The following LGALS3 variants were observed in gnomAD, a reference collection of about 807,000 sequenced individuals.
The protein encoded by LGALS3 is galectin 3, also known as galectin-3.
In LGALS3, 18 loss-of-function variants were observed where a neutral mutation model predicts 20.7. That is an observed-to-expected ratio of 0.87 (90% CI 0.60 to 1.29). The LOEUF is 1.29. Ranked by LOEUF, LGALS3 falls within the 50% of genes most tolerant of loss-of-function variation. The probability of loss-of-function intolerance (pLI) is 0.00; values close to 1 mark genes in which losing one functional copy is unlikely to be tolerated. For synonymous variants in LGALS3, 112 were observed against 119.6 expected, an observed-to-expected ratio of 0.94 and a Z score of 0.42; for missense variants, 315 against 314.7, an observed-to-expected ratio of 1.00 and a Z score of -0.01.
At chr14:55,143,062 C>A (rs1012474404) in intron 5 of LGALS3, among the ~76,000 whole-genome samples, 4 of 152,146 alleles carry the variant, frequency 2.6e-5, no homozygotes, top group African/African-American at 7.2e-5. Flanking sequence ...AGTTATACTG[C>A]GACTTTGTTG....
At chr14:55,133,052 A>G (rs2140288641) in intron 1 of LGALS3, among the ~76,000 whole-genome samples, 1 of 152,346 alleles carries the variant, frequency 6.6e-6, no homozygotes, top group Admixed American at 6.5e-5. Context: ...TAGTTTTCTG[A>G]CCAAAACACA....
At position 55,129,770 on chromosome 14, in the gene LGALS3, G is replaced by A. The variant is rs1043968811; in HGVS notation, c.-5+470G>A. Among the ~76,000 whole-genome samples, 1 of 152,198 alleles carries A rather than the reference G, an allele frequency of 6.6e-6. No individual in the cohort carries two copies. Among genetic ancestry groups the A allele is most frequent in the African/African-American group, 2.4e-5 (1 of 41,472 alleles). ...GGCCGCTCCAGTTTCTCTAATTGGG[G>A]TTGGAGCCCCGTCACCCTTCCCCAG... On this transcript the variant is annotated intron_variant, in intron 1 of 5. Transcript: ENST00000254301. The surrounding 1 kb of genome is among the most constrained non-coding windows in gnomAD (Gnocchi z 5.3).
intron 3 of LGALS3, among the ~76,000 whole-genome samples, chr14:55,139,647 A>C (rs781007930): frequency 3.9e-5 from 6 of 152,154 alleles, no homozygotes; most frequent in Non-Finnish European, 8.8e-5. Flanking sequence ...AAAAAATAAA[A>C]AGGTTTGGGT....
chr14:55,138,417 G>T (rs1308757160), intron 3 of LGALS3, 49 bp downstream of exon 3: 10 of 1,595,168 alleles, frequency 6.3e-6, no homozygotes, highest in African/African-American at 2.7e-5. Context: ...GAGGGCTTCA[G>T]GGAGACCCTG....
chr14:55,140,665 A>C (rs757434975), intron 4 of LGALS3, among the ~76,000 whole-genome samples: 1 of 152,172 alleles, frequency 6.6e-6, no homozygotes, highest in Non-Finnish European at 1.5e-5. Context: ...CAGGATAAGG[A>C]ATATTGCTCT....
At chr14:55,139,690 G>A (rs1365546874) in intron 3 of LGALS3, among the ~76,000 whole-genome samples, 1 of 152,136 alleles carries the variant, frequency 6.6e-6, no homozygotes, top group Non-Finnish European at 1.5e-5. Context: ...TCTTAAAAAG[G>A]GAAAGAAAAG....
chr14:55,136,926 T>C (rs1881414829), intron 1 of LGALS3, among the ~76,000 whole-genome samples: 8 of 152,120 alleles, frequency 5.3e-5, no homozygotes. Context: ...CATGGCCTAT[T>C]CATCTTCACA....
chr14:55,136,424 C>G (rs1376514047), intron 1 of LGALS3, among the ~76,000 whole-genome samples: 1 of 152,156 alleles, frequency 6.6e-6, no homozygotes, highest in Admixed American at 6.5e-5. Context: ...CTACAGCACA[C>G]ATTCTGACTC....
chr14:55,138,204 C>T lies in LGALS3; in HGVS notation c.178C>T (p.Pro60Ser), dbSNP rs759628775. The T allele has an allele frequency of 6.2e-7, 1 of 1,612,776 alleles. No individual in the cohort carries two copies. Among genetic ancestry groups the T allele is most frequent in the Non-Finnish European group, 8.5e-7 (1 of 1,179,376 alleles). ...PPGAYPGQAP[P>S]GAYPGAPGAY... ...AGGGGCTTATCCTGGACAGGCACCT[C>T]CAGGCGCCTACCCTGGAGCACCTGG... Residue 60 changes from proline (P) to serine (S), a missense_variant, in exon 3 of 6, where the codon CCA becomes TCA. By Grantham distance (74) the Pro-to-Ser change is moderately conservative (BLOSUM62 -1). Transcript: ENST00000254301.
At chr14:55,142,819 G>T in intron 5 of LGALS3, 70 bp downstream of exon 5, 1 of 1,286,284 alleles carries the variant, frequency 7.8e-7, no homozygotes, top group South Asian at 1.3e-5. Context: ...AAACCCCAAA[G>T]CACTTGAAGT....
At chr14:55,130,261 A>C (rs1049132422) in intron 1 of LGALS3, among the ~76,000 whole-genome samples, 3 of 152,212 alleles carry the variant, frequency 2.0e-5, no homozygotes, top group Non-Finnish European at 4.4e-5. Context: ...GTTCAGGTCC[A>C]GGGAGTCGGG....
At chr14:55,135,560 GTTTTTTTTTTTTT>G in intron 1 of LGALS3, among the ~76,000 whole-genome samples, 1 of 106,566 alleles carries the variant, frequency 9.4e-6, no homozygotes, top group South Asian at 3.1e-4. Context: ...ATATTTTATG[GTTTTTTTTTTTTT>G]TTTTTTTTTT....
chr14:55,134,301 G>A (rs1435808140), intron 1 of LGALS3, among the ~76,000 whole-genome samples: 2 of 152,232 alleles, frequency 1.3e-5, no homozygotes, highest in African/African-American at 2.4e-5. Flanking sequence ...ATCCTGCAGT[G>A]CACAGGACAG....
chr14:55,136,790 C>T (rs914062876), intron 1 of LGALS3, among the ~76,000 whole-genome samples: 21 of 152,132 alleles, frequency 1.4e-4, no homozygotes, highest in African/African-American at 5.1e-4. Context: ...CATTAACTAT[C>T]CCCACCTCCC....
intron 4 of LGALS3, among the ~76,000 whole-genome samples, chr14:55,141,932 G>A (rs951857547): frequency 6.6e-6 from 1 of 152,216 alleles, no homozygotes; most frequent in Non-Finnish European, 1.5e-5. Context: ...GAGGACTTGT[G>A]TTTGCATTAA....
chr14:55,133,193 T>A (rs549525304), intron 1 of LGALS3, among the ~76,000 whole-genome samples: 18 of 146,954 alleles, frequency 1.2e-4, no homozygotes, highest in African/African-American at 4.4e-4. Flanking sequence ...CAAAGTGTGA[T>A]GTTTTCTATT....
chr14:55,139,175 G>A (rs1881529331), intron 3 of LGALS3, among the ~76,000 whole-genome samples: 1 of 152,088 alleles, frequency 6.6e-6, no homozygotes, highest in South Asian at 2.1e-4. Flanking sequence ...CAGAGAGAGG[G>A]AGACATGAAG....
intron 1 of LGALS3, among the ~76,000 whole-genome samples, chr14:55,134,977 A>T (rs754407268): frequency 6.0e-4 from 90 of 150,620 alleles, no homozygotes; most frequent in Middle Eastern, 6.8e-3. Flanking sequence ...CAACATAGTG[A>T]GACCCCGTGT....
chr14:55,134,552 AT>A (rs1881323923), intron 1 of LGALS3, among the ~76,000 whole-genome samples: 2 of 152,174 alleles, frequency 1.3e-5, no homozygotes, highest in Admixed American at 1.3e-4. Flanking sequence ...CTTTTTCTGA[AT>A]TAAAAATTTT....
Sources: gnomAD v4.1 joint callset for allele counts (sites outside exome capture counted in the v4.1 genomes callset) on GRCh38, gnomAD v4.1.1 for gene constraint, Gnocchi (gnomAD v3.1) non-coding constraint, MANE v1.5 for transcripts, NCBI Gene and HGNC (gene_info 2026-07-23, HGNC 2026-07-21) for gene names.